The following RALGDS variants were observed in gnomAD, a reference collection of about 807,000 sequenced individuals.
RALGDS encodes the protein ral guanine nucleotide dissociation stimulator, also known as ral guanine nucleotide exchange factor.
RALGDS carries 44 observed loss-of-function variants against 99.8 expected under a neutral mutation model. The observed-to-expected ratio is 0.44, with a 90% CI of 0.35 to 0.57. The LOEUF is 0.57. Among genes scored for constraint, RALGDS ranks in the 20% least tolerant of loss-of-function variants. The pLI is 0.01. For synonymous variants in RALGDS, 529 were observed against 505.0 expected, an observed-to-expected ratio of 1.05 and a Z score of -0.64; for missense variants, 1,022 against 1,203.1, an observed-to-expected ratio of 0.85 and a Z score of 2.23.
At chr9:133,140,415 C>A (rs767355312) in intron 1 of RALGDS, among the ~76,000 whole-genome samples, 116 of 152,250 alleles carry the variant, frequency 7.6e-4, no homozygotes, top group Non-Finnish European at 1.4e-3. Context: ...GACAAGCCCA[C>A]CCCTCCCTGC....
At chr9:133,133,862 T>C (rs542336), upstream of RALGDS, among the ~76,000 whole-genome samples, 90,804 of 152,128 alleles carry the variant, frequency 0.6, 27,135 homozygotes, top group Admixed American at 0.66. Flanking sequence ...TGGCTGGGTG[T>C]GAGGCCCATT....
At chr9:133,141,653 A>G (rs940477113) in intron 1 of RALGDS, among the ~76,000 whole-genome samples, 1 of 152,238 alleles carries the variant, frequency 6.6e-6, no homozygotes, top group African/African-American at 2.4e-5. Context: ...GGATGCCGAC[A>G]TGTGAGGAGG....
chr9:133,132,107 G>A (rs1832344089), upstream of RALGDS, among the ~76,000 whole-genome samples: 1 of 152,248 alleles, frequency 6.6e-6, no homozygotes, highest in African/African-American at 2.4e-5. Context: ...TCCGGGGTCT[G>A]CCCAGTGCTC....
chr9:133,119,479 G>A (rs920561908), intron 1 of RALGDS, among the ~76,000 whole-genome samples: 1 of 152,160 alleles, frequency 6.6e-6, no homozygotes, highest in Admixed American at 6.5e-5. Context: ...GAGCGCCAGG[G>A]CCAGAGAGAG....
In RALGDS at chr9:133,144,892, T is replaced by TA. The variant is rs1832598540; in HGVS notation, c.18+4070dup. ...GAATCCGGATGAGGTCATACTGGAT[T>TA]AGGGTGGGCCTTAATCCAATGACTG... On this transcript the variant is annotated intron_variant, in intron 1 of 17. Transcript: ENST00000393160. The surrounding 1 kb of genome is among the most constrained non-coding windows in gnomAD (Gnocchi z 4.5). Among the ~76,000 whole-genome samples the TA allele has an allele frequency of 6.6e-6, 1 of 152,226 alleles. No homozygotes were observed. The highest frequency in any genetic ancestry group is 6.5e-5 in the Admixed American group (1 of 15,286).
intron 9 of RALGDS, among the ~76,000 whole-genome samples, chr9:133,105,339 G>A (rs955681202): frequency 8.5e-5 from 13 of 152,126 alleles, no homozygotes; most frequent in African/African-American, 2.7e-4. Flanking sequence ...TGGGGTATCC[G>A]CCACAGCTAA....
Position 133,144,587 on chromosome 9 carries a change from G to T in RALGDS, c.18+4376C>A, listed in dbSNP as rs1832593245. On this transcript the variant is annotated intron_variant, in intron 1 of 17. Coordinates refer to the RALGDS transcript ENST00000393160. The surrounding 1 kb of genome is among the most constrained non-coding windows in gnomAD (Gnocchi z 4.5). ...CGCCGGGCTGGGCGGCCGCACGGGA[G>T]GGCACAGCGCCACCTGCTGGTGCTG... Among the ~76,000 whole-genome samples the T allele has an allele frequency of 6.6e-6, 1 of 152,220 alleles. No homozygotes were observed. The highest frequency in any genetic ancestry group is 1.5e-5 in the Non-Finnish European group (1 of 68,032).
rs1008496419 is a variant in RALGDS at position 133,103,373 on chromosome 9, C to T, written c.1759-111G>A. The stretch of plus-strand genomic sequence containing the variant: ...CCCACCAGGGGGCAGGGCACGCACA[C>T]CCCTGGATTGAAGCCGGTGCTGGGC... On this transcript the variant is annotated intron_variant, in intron 11 of 17. Transcript: ENST00000372050. The T allele has an allele frequency of 2.2e-6, 3 of 1,376,580 alleles. No homozygotes were observed. In the African/African-American group the frequency reaches 4.3e-5, roughly 20 times the overall value. The allele number at this position is 1,376,580 out of a possible 1,614,324, so 85.3% of individuals were successfully genotyped here.
intron 5 of RALGDS, 101 bp downstream of exon 5, chr9:133,108,572 G>A: frequency 6.7e-7 from 1 of 1,487,164 alleles, no homozygotes; most frequent in Non-Finnish European, 9.2e-7. Context: ...AGGCTCATCT[G>A]GGCCCCTGAC....
chr9:133,120,831 C>A, intron 1 of RALGDS, 141 bp downstream of exon 1: 1 of 980,562 alleles, frequency 1.0e-6, no homozygotes, highest in Non-Finnish European at 1.4e-6. Flanking sequence ...AGGCCCCGAC[C>A]CCCACCTATG....
chr9:133,103,282 T>C lies in RALGDS; in HGVS notation c.1759-20A>G, dbSNP rs1830848821. The C allele has an allele frequency of 1.2e-6, 2 of 1,613,808 alleles. No individual in the cohort carries two copies. Among genetic ancestry groups the C allele is most frequent in the African/African-American group, 1.3e-5 (1 of 74,930 alleles). On this transcript the variant is annotated intron_variant, in intron 11 of 17. Coordinates refer to ENST00000372050, the MANE Select transcript of RALGDS (RefSeq NM_006266.4). ...TCTGCCCTGGAAGGTGGACACCCAA[T>C]GGCCGTCAGAAAGTGACCCCTTGAC... is the stretch of plus-strand genomic sequence containing the variant.
chr9:133,108,943 G>A, intron 4 of RALGDS, 77 bp from the exon 5 acceptor site: 1 of 1,427,584 alleles, frequency 7.0e-7, no homozygotes, highest in African/African-American at 1.4e-5. Flanking sequence ...GCCGGCCCCT[G>A]TCCATCTGAA....
At chr9:133,120,887 C>G in intron 1 of RALGDS, 85 bp downstream of exon 1, 1 of 1,338,548 alleles carries the variant, frequency 7.5e-7, no homozygotes, top group East Asian at 3.2e-5. Context: ...CCGGCCCCGT[C>G]CGGGGCTCGC....
In RALGDS at chr9:133,110,195, G is replaced by A. The variant is rs546693272; in HGVS notation, c.488+101C>T. ...AGTTTCTCTTTCATATGAGCAAAGC[G>A]AGGCTCAGAGAGGTGAATCAGCATT... On this transcript the variant is annotated intron_variant, in intron 3 of 17. Coordinates refer to ENST00000372050, the MANE Select transcript of RALGDS (RefSeq NM_006266.4). The A allele has an allele frequency of 5.2e-5, 64 of 1,226,748 alleles. No individual in the cohort carries two copies. The African/African-American group carries it at 6.9e-4, about 13-fold the overall frequency. 76.0% of individuals were successfully genotyped at this position (1,226,748 alleles called of 1,614,324 possible). A position where few individuals can be genotyped will look rare whatever the true frequency, so the allele number is the denominator to read the frequency against.
At position 133,144,415 on chromosome 9, in the gene RALGDS, G is replaced by A. The variant is rs1022279522; in HGVS notation, c.18+4548C>T. 6.6e-6 allele frequency among the ~76,000 whole-genome samples: 1 copy of A among 152,044 alleles called. No homozygotes were observed. Among genetic ancestry groups the A allele is most frequent in the Non-Finnish European group, 1.5e-5 (1 of 68,016 alleles). On this transcript the variant is annotated intron_variant, in intron 1 of 17. Coordinates refer to the RALGDS transcript ENST00000393160. This position sits in a 1 kb window ranked among gnomAD's most constrained non-coding sequence, Gnocchi z 4.5. Reference sequence around the variant, plus strand: ...CCCCGCCGGCCTCCGACGCAAAGTCGCCACCCAGTCACCCCGCCTCGGCCC... The same window carrying A: ...CCCCGCCGGCCTCCGACGCAAAGTCACCACCCAGTCACCCCGCCTCGGCCC...
chr9:133,100,386 C>T lies in RALGDS; in HGVS notation c.2455-4G>A, dbSNP rs776754825. 5.0e-6 allele frequency: 8 copies of T among 1,614,088 alleles called. No homozygotes were observed. In the East Asian group the frequency reaches 8.9e-5, roughly 18 times the overall value. On this transcript the variant is annotated splice_polypyrimidine_tract_variant and splice_region_variant and intron_variant, in intron 16 of 17. Transcript: ENST00000372050. ...GAGCCTTATCTTGGCTGGTCACCTG[C>T]ATCGCGGCGGGGGATGGACCATCAG...
At chr9:133,138,128 G>T (rs1450756108) in intron 1 of RALGDS, among the ~76,000 whole-genome samples, 1 of 152,234 alleles carries the variant, frequency 6.6e-6, no homozygotes, top group African/African-American at 2.4e-5. Flanking sequence ...CTCCTAAGCT[G>T]CCCTGGCCTC....
upstream of RALGDS, among the ~76,000 whole-genome samples, chr9:133,132,726 G>A (rs1462370504): frequency 1.3e-5 from 2 of 151,912 alleles, no homozygotes; most frequent in South Asian, 2.1e-4. Flanking sequence ...TGCAACCTCC[G>A]ACTCCCGGGT....
intron 1 of RALGDS, chr9:133,129,238 G>A: frequency 1.3e-6 from 2 of 1,597,296 alleles, no homozygotes; most frequent in Non-Finnish European, 1.7e-6. Flanking sequence ...TCACCACAGA[G>A]ACACAGGCAA....
Sources: allele counts gnomAD v4.1 joint callset (sites outside exome capture counted in the v4.1 genomes callset), GRCh38; gene constraint gnomAD v4.1.1; non-coding constraint Gnocchi (gnomAD v3.1); transcripts MANE v1.5; gene names NCBI Gene and HGNC (gene_info 2026-07-23, HGNC 2026-07-21).